Variants in TRAPPC9 observed in about 807,000 individuals in gnomAD.
The protein encoded by TRAPPC9 is trafficking protein particle complex subunit 9.
TRAPPC9 carries 83 observed loss-of-function variants against 124.0 expected under a neutral mutation model. That is an observed-to-expected ratio of 0.67 (90% CI 0.56 to 0.80). The LOEUF (loss-of-function observed/expected upper bound fraction) is 0.80, where lower values mean the gene tolerates loss of function less well. TRAPPC9 is among the 30% of genes least tolerant of loss of function. The pLI, the probability that TRAPPC9 is intolerant of heterozygous loss-of-function variation, is 0.00. For synonymous variants in TRAPPC9, 638 were observed against 617.5 expected, an observed-to-expected ratio of 1.03 and a Z score of -0.49; for missense variants, 1,302 against 1,508.3, an observed-to-expected ratio of 0.86 and a Z score of 2.27.
chr8:140,361,827 G>T (rs768936276), intron 8 of TRAPPC9, among the ~76,000 whole-genome samples: 1 of 152,178 alleles, frequency 6.6e-6, no homozygotes, highest in Non-Finnish European at 1.5e-5. Flanking sequence ...AGGGCCTGAC[G>T]TGAGACTGGG....
intron 17 of TRAPPC9, among the ~76,000 whole-genome samples, chr8:140,045,990 A>G (rs1266444586): frequency 6.6e-6 from 1 of 152,190 alleles, no homozygotes; most frequent in Non-Finnish European, 1.5e-5. Context: ...GATTTTAACC[A>G]GAAGAAAAAG....
chr8:139,802,750 CTG>C (rs1238836792), intron 21 of TRAPPC9, among the ~76,000 whole-genome samples: 2 of 152,190 alleles, frequency 1.3e-5, no homozygotes, highest in East Asian at 3.9e-4. Context: ...GAAAAAGTGA[CTG>C]TCAGTGCCTC....
chr8:140,101,533 T>TG (rs1563762498), intron 17 of TRAPPC9, among the ~76,000 whole-genome samples: 2 of 80,482 alleles, frequency 2.5e-5, no homozygotes, highest in Non-Finnish European at 5.0e-5. Flanking sequence ...TAGGGTTTTC[T>TG]TTTTTTTGTT....
chr8:140,219,663 G>GCT (rs2063288761), intron 17 of TRAPPC9, among the ~76,000 whole-genome samples: 1 of 152,164 alleles, frequency 6.6e-6, no homozygotes, highest in Non-Finnish European at 1.5e-5. Context: ...GTGGCTTCCT[G>GCT]CTGTCATTAA....
In TRAPPC9 at chr8:140,445,506, G is replaced by A. The variant is rs1028056319; in HGVS notation, c.584+5284C>T. On this transcript the variant is annotated intron_variant, in intron 2 of 22. Coordinates refer to ENST00000438773, the MANE Select transcript of TRAPPC9 (RefSeq NM_001160372.4). ...GGAGAGCACCTGGGTTGTGAACTCC[G>A]AGACTCGGCTGCCAGGAGAGCAGGG... 4.6e-5 allele frequency among the ~76,000 whole-genome samples: 7 copies of A among 152,278 alleles called. No individual in the cohort carries two copies. The East Asian group carries it at 5.8e-4, about 13-fold the overall frequency.
intron 9 of TRAPPC9, among the ~76,000 whole-genome samples, chr8:140,332,795 T>C (rs1414794124): frequency 6.6e-6 from 1 of 152,154 alleles, no homozygotes; most frequent in East Asian, 1.9e-4. Context: ...TTATGTCACA[T>C]GGAAAATCAG....
chr8:140,115,857 A>G (rs1427019406), intron 17 of TRAPPC9, among the ~76,000 whole-genome samples: 1 of 152,158 alleles, frequency 6.6e-6, no homozygotes, highest in Non-Finnish European at 1.5e-5. Flanking sequence ...GGCCAGTAAT[A>G]GTCACCCTCC....
At chr8:139,959,275 C>T (rs1271922038) in intron 19 of TRAPPC9, among the ~76,000 whole-genome samples, 1 of 152,214 alleles carries the variant, frequency 6.6e-6, no homozygotes, top group Non-Finnish European at 1.5e-5. Context: ...GCCTAAGATG[C>T]CAACACCAAC....
At chr8:140,014,746 G>A (rs1349573378) in intron 18 of TRAPPC9, among the ~76,000 whole-genome samples, 1 of 152,208 alleles carries the variant, frequency 6.6e-6, no homozygotes, top group Non-Finnish European at 1.5e-5. Context: ...CAAGGCCACA[G>A]TTCAGATTGC....
At chr8:140,381,296 G>C (rs1366642679) in intron 7 of TRAPPC9, among the ~76,000 whole-genome samples, 2 of 151,970 alleles carry the variant, frequency 1.3e-5, no homozygotes, top group Non-Finnish European at 2.9e-5. Context: ...GCATGGATCT[G>C]GTAAGGGACT....
At chr8:139,964,989 C>T (rs1379940166) in intron 19 of TRAPPC9, among the ~76,000 whole-genome samples, 3 of 152,158 alleles carry the variant, frequency 2.0e-5, no homozygotes, top group African/African-American at 7.2e-5. Flanking sequence ...CCACTGGACT[C>T]GGGGCCAGGT....
intron 19 of TRAPPC9, among the ~76,000 whole-genome samples, chr8:139,958,286 G>A (rs1835131664): frequency 6.6e-6 from 1 of 152,172 alleles, no homozygotes; most frequent in African/African-American, 2.4e-5. Context: ...GTGTGTCTTT[G>A]TTCCTGCCAC....
chr8:140,071,268 G>A (rs1358866410), intron 17 of TRAPPC9, among the ~76,000 whole-genome samples: 1 of 152,170 alleles, frequency 6.6e-6, no homozygotes, highest in Non-Finnish European at 1.5e-5. Context: ...AGGGACTGCT[G>A]GAGGCCAGGA....
intron 21 of TRAPPC9, among the ~76,000 whole-genome samples, chr8:139,762,010 G>T (rs890209855): frequency 6.6e-6 from 1 of 151,732 alleles, no homozygotes; most frequent in Non-Finnish European, 1.5e-5. Context: ...ATCTATAGGT[G>T]TCCCTCTATA....
At chr8:140,205,929 T>A (rs1237542896) in intron 17 of TRAPPC9, among the ~76,000 whole-genome samples, 2 of 152,176 alleles carry the variant, frequency 1.3e-5, no homozygotes, top group Admixed American at 1.3e-4. Flanking sequence ...CACCCCCTCA[T>A]CCTCAGTCTT....
At chr8:140,453,859 T>G (rs1249440805) in intron 1 of TRAPPC9, among the ~76,000 whole-genome samples, 1 of 152,206 alleles carries the variant, frequency 6.6e-6, no homozygotes, top group Non-Finnish European at 1.5e-5. Context: ...ATCAAAATAC[T>G]GAGCGGGGGA....
intron 21 of TRAPPC9, among the ~76,000 whole-genome samples, chr8:139,756,450 G>T (rs1208821519): frequency 2.0e-4 from 25 of 123,136 alleles, no homozygotes; most frequent in East Asian, 8.0e-4. Context: ...GAGGACAGCA[G>T]GTCGCAGAAG....
chr8:139,850,720 A>T (rs1827387690), intron 21 of TRAPPC9, among the ~76,000 whole-genome samples: 1 of 152,136 alleles, frequency 6.6e-6, no homozygotes, highest in Non-Finnish European at 1.5e-5. Context: ...CCACCCATTT[A>T]TCCTTTCACC....
intron 7 of TRAPPC9, among the ~76,000 whole-genome samples, chr8:140,376,149 T>C (rs937498760): frequency 1.6e-4 from 24 of 152,312 alleles, no homozygotes; most frequent in African/African-American, 4.6e-4. Context: ...CCATTTTCAG[T>C]TTTAATCATT....
Sources: gnomAD v4.1 joint callset for allele counts (sites outside exome capture counted in the v4.1 genomes callset) on GRCh38, gnomAD v4.1.1 for gene constraint, MANE v1.5 for transcripts, NCBI Gene and HGNC (gene_info 2026-07-23, HGNC 2026-07-21) for gene names.